Variants in APCDD1L observed in about 807,000 individuals in gnomAD.
The protein encoded by APCDD1L is protein APCDD1-like.
In APCDD1L, 21 loss-of-function variants were observed where a neutral mutation model predicts 24.2. The ratio of observed to expected loss-of-function variants is 0.87; its 90% CI spans 0.61 to 1.25. APCDD1L has a LOEUF of 1.25. Among genes scored for constraint, APCDD1L ranks in the 50% most tolerant of loss-of-function variants. The probability of loss-of-function intolerance (pLI) is 0.00; values close to 1 mark genes in which losing one functional copy is unlikely to be tolerated. For synonymous variants in APCDD1L, 321 were observed against 323.6 expected (o/e 0.99, Z 0.09); for missense variants, 704 against 711.7 (o/e 0.99, Z 0.12).
intron 1 of APCDD1L, among the ~76,000 whole-genome samples, chr20:58,476,233 CA>C (rs1330900828): frequency 2.0e-5 from 3 of 152,198 alleles, no homozygotes; most frequent in Non-Finnish European, 4.4e-5. Flanking sequence ...CTCTGTCGCC[CA>C]GGCTGGAGTG....
intron 1 of APCDD1L, among the ~76,000 whole-genome samples, chr20:58,502,381 G>A (rs993098540): frequency 3.0e-4 from 45 of 152,192 alleles, no homozygotes; most frequent in Non-Finnish European, 6.3e-4. Flanking sequence ...GATTACAGGC[G>A]TGAGACACCG....
intron 1 of APCDD1L, among the ~76,000 whole-genome samples, chr20:58,479,233 A>G (rs1989976921): frequency 6.6e-6 from 1 of 152,220 alleles, no homozygotes; most frequent in Non-Finnish European, 1.5e-5. Flanking sequence ...ATATATTTCA[A>G]CATGTAACAA....
chr20:58,502,407 G>A (rs1478059209), intron 1 of APCDD1L, among the ~76,000 whole-genome samples: 2 of 152,152 alleles, frequency 1.3e-5, no homozygotes, highest in Admixed American at 6.5e-5. Flanking sequence ...GGCCTTTGGT[G>A]TATTTGTTTT....
chr20:58,494,278 TTCTTTTCTTA>T lies in APCDD1L; in HGVS notation c.49+20371_49+20380del, dbSNP rs199582079. ...AACTGCATTTCTTTTTTCTTTTCTTTTCTTTTCTTACTTTTCTTTTCTCTTCTCTCTTCTC... is the reference window on the plus strand; with the variant it reads ...AACTGCATTTCTTTTTTCTTTTCTTTCTTTTCTTTTCTCTTCTCTCTTCTC... On this transcript the variant is annotated intron_variant, in intron 1 of 3. Coordinates refer to ENST00000371149, the MANE Select transcript of APCDD1L (RefSeq NM_153360.3). This position sits in a 1 kb window ranked among gnomAD's most constrained non-coding sequence, Gnocchi z 4.8. 6.9e-6 allele frequency among the ~76,000 whole-genome samples: 1 copy of T among 144,336 alleles called. No individual in the cohort carries two copies. Among genetic ancestry groups the T allele is most frequent in the Non-Finnish European group, 1.5e-5 (1 of 66,930 alleles). The allele number at this position is 144,336 out of a possible 152,430, so 94.7% of individuals were successfully genotyped here. A position where few individuals can be genotyped will look rare whatever the true frequency, so the allele number is the denominator to read the frequency against.
At chr20:58,509,448 T>A (rs1203820355) in intron 1 of APCDD1L, among the ~76,000 whole-genome samples, 1 of 152,154 alleles carries the variant, frequency 6.6e-6, no homozygotes, top group East Asian at 1.9e-4. Context: ...CTTGGGCAAG[T>A]CACCTACTTC....
In APCDD1L at chr20:58,461,273, T is replaced by C; in HGVS notation, c.1023A>G (p.Pro341=). ...CGGTGCCGCCGCGGACCCTGGTGGA[T>C]GGCGTGCCCCTGGTGTAGCGGCCGG... ...YAAGRYTRGT[P]STRVRGGTEL... Residue 341 remains proline, a synonymous_variant, in exon 4 of 4, where the codon CCA becomes CCG. Transcript: ENST00000371149. The surrounding 1 kb of genome is among the most constrained non-coding windows in gnomAD (Gnocchi z 6.0). The C allele has an allele frequency of 6.2e-7, 1 of 1,613,064 alleles. No homozygotes were observed. The highest frequency in any genetic ancestry group is 8.5e-7 in the Non-Finnish European group (1 of 1,179,538).
At chr20:58,487,206 AC>A (rs1378549263) in intron 1 of APCDD1L, among the ~76,000 whole-genome samples, 5 of 152,200 alleles carry the variant, frequency 3.3e-5, no homozygotes, top group Admixed American at 1.3e-4. Context: ...GAACAAAAAT[AC>A]TGGAAAACAG....
At chr20:58,481,116 T>C (rs541979536) in intron 1 of APCDD1L, among the ~76,000 whole-genome samples, 9 of 152,320 alleles carry the variant, frequency 5.9e-5, no homozygotes, top group African/African-American at 2.2e-4. Flanking sequence ...GCTTGTAGCA[T>C]CACTGCGTAG....
chr20:58,471,277 G>T (rs1224355104), intron 1 of APCDD1L, among the ~76,000 whole-genome samples: 3 of 152,198 alleles, frequency 2.0e-5, no homozygotes, highest in African/African-American at 7.2e-5. Context: ...CACACAGCAG[G>T]CCCCTCGAGG....
At chr20:58,492,480 A>G (rs974712747) in intron 1 of APCDD1L, among the ~76,000 whole-genome samples, 20 of 152,356 alleles carry the variant, frequency 1.3e-4, no homozygotes, top group African/African-American at 4.1e-4. Context: ...TTAAGACCCA[A>G]TGAGGCTATA....
intron 3 of APCDD1L, among the ~76,000 whole-genome samples, chr20:58,466,639 G>A (rs1989710555): frequency 6.6e-6 from 1 of 152,278 alleles, no homozygotes. Flanking sequence ...GAAGGACCTA[G>A]CGCCAGAGGG....
intron 1 of APCDD1L, among the ~76,000 whole-genome samples, chr20:58,496,555 G>T (rs1203875398): frequency 1.3e-5 from 2 of 152,254 alleles, no homozygotes; most frequent in Non-Finnish European, 2.9e-5. Flanking sequence ...AGAGAAAGGT[G>T]GGCTCCGTGG....
chr20:58,470,569 C>T, intron 2 of APCDD1L, 40 bp downstream of exon 2: 1 of 1,539,430 alleles, frequency 6.5e-7, no homozygotes, highest in East Asian at 2.3e-5. Flanking sequence ...AGAAGTCTCC[C>T]AGTCCAGGGG....
At position 58,493,798 on chromosome 20, in the gene APCDD1L, C is replaced by T. The variant is rs142649325; in HGVS notation, c.49+20861G>A. On this transcript the variant is annotated intron_variant, in intron 1 of 3. Transcript: ENST00000371149. ...CTTTTTGGGATGAGGGCTGGGCTCA[C>T]GGGTGTCCACATTATGTTCACAGCT... is the stretch of plus-strand genomic sequence containing the variant. 3.9e-3 allele frequency among the ~76,000 whole-genome samples: 592 copies of T among 152,266 alleles called. 2 individuals carry two copies. The highest frequency in any genetic ancestry group is 0.013 in the African/African-American group (552 of 41,564).
At chr20:58,480,243 A>G (rs1231255422) in intron 1 of APCDD1L, among the ~76,000 whole-genome samples, 2 of 152,244 alleles carry the variant, frequency 1.3e-5, no homozygotes, top group Non-Finnish European at 2.9e-5. Context: ...CGCAGCCTTC[A>G]GCATCCCAGC....
chr20:58,468,552 C>A (rs1425752402), intron 2 of APCDD1L, among the ~76,000 whole-genome samples: 4 of 152,008 alleles, frequency 2.6e-5, no homozygotes, highest in Non-Finnish European at 5.9e-5. Flanking sequence ...AACCAGGTAC[C>A]CTCTTGTACT....
At chr20:58,484,276 G>A (rs751111874) in intron 1 of APCDD1L, among the ~76,000 whole-genome samples, 2 of 152,126 alleles carry the variant, frequency 1.3e-5, no homozygotes, top group African/African-American at 2.4e-5. Flanking sequence ...TTAAAAGCGC[G>A]TCCACAGTCA....
At chr20:58,478,471 C>T (rs1016645419) in intron 1 of APCDD1L, among the ~76,000 whole-genome samples, 14 of 151,784 alleles carry the variant, frequency 9.2e-5, no homozygotes, top group South Asian at 8.4e-4. Context: ...TGTGACTCCA[C>T]GAGTCTGCCA....
At position 58,514,781 on chromosome 20, in the gene APCDD1L, C is replaced by A; in HGVS notation, c.-74G>T. 9 of 1,192,938 alleles carry A rather than the reference C, an allele frequency of 7.5e-6. No individual in the cohort carries two copies. Among genetic ancestry groups the A allele is most frequent in the Non-Finnish European group, 9.6e-6 (9 of 939,730 alleles). 73.9% of individuals were successfully genotyped at this position (1,192,938 alleles called of 1,614,324 possible). A position where few individuals can be genotyped will look rare whatever the true frequency, so the allele number is the denominator to read the frequency against. On this transcript the variant is annotated 5_prime_UTR_variant, in exon 1 of 4. Transcript: ENST00000371149. The stretch of plus-strand genomic sequence containing the variant: ...AGGGGAGGCGCGGGCGCAGGGCTCT[C>A]GGACGGCTGCGGGCGCCGGCGGCCA...
Sources: gnomAD v4.1 joint callset for allele counts (sites outside exome capture counted in the v4.1 genomes callset) on GRCh38, gnomAD v4.1.1 for gene constraint, Gnocchi (gnomAD v3.1) non-coding constraint, MANE v1.5 for transcripts, NCBI Gene and HGNC (gene_info 2026-07-23, HGNC 2026-07-21) for gene names.